Variants in PPM1L observed in about 807,000 individuals in gnomAD.
The protein encoded by PPM1L is protein phosphatase 1L.
In PPM1L, 13 loss-of-function variants were observed where a neutral mutation model predicts 31.4. The observed-to-expected ratio is 0.41, with a 90% CI of 0.27 to 0.66. PPM1L has a LOEUF of 0.66. Ranked by LOEUF, PPM1L falls within the 30% of genes least tolerant of loss-of-function variation. PPM1L has a pLI of 0.29. For synonymous variants in PPM1L, 184 were observed against 175.4 expected (o/e 1.05, Z -0.39); for missense variants, 326 against 453.7 (o/e 0.72, Z 2.56).
At chr3:160,967,890 A>G (rs1206986956) in intron 2 of PPM1L, among the ~76,000 whole-genome samples, 2 of 152,004 alleles carry the variant, frequency 1.3e-5, no homozygotes, top group Admixed American at 1.3e-4. Flanking sequence ...GACCTCATAG[A>G]TGTCTTCTAG....
intron 2 of PPM1L, among the ~76,000 whole-genome samples, chr3:161,039,592 G>A (rs892738493): frequency 2.2e-4 from 33 of 152,096 alleles, no homozygotes; most frequent in African/African-American, 7.2e-4. Flanking sequence ...GTGCGATCTC[G>A]GCTCACTGCA....
At chr3:160,912,059 G>C (rs1455289921) in intron 1 of PPM1L, among the ~76,000 whole-genome samples, 6 of 152,094 alleles carry the variant, frequency 3.9e-5, no homozygotes, top group African/African-American at 1.4e-4. Flanking sequence ...AGAAGGCTTG[G>C]GAAGACCTGA....
chr3:161,072,706 TTGATTATCC>T lies in PPM1L; in HGVS notation c.*3555_*3563del, dbSNP rs1324968546. The T allele has an allele frequency of 1.3e-5, 2 of 152,182 alleles. No individual in the cohort carries two copies. Among genetic ancestry groups the T allele is most frequent in the Non-Finnish European group, 2.9e-5 (2 of 68,038 alleles). The allele number at this position is 152,182 out of a possible 1,614,324, so 9.4% of individuals were successfully genotyped here. A position where few individuals can be genotyped will look rare whatever the true frequency, so the allele number is the denominator to read the frequency against. On this transcript the variant is annotated 3_prime_UTR_variant, in exon 4 of 4. Coordinates refer to ENST00000498165, the MANE Select transcript of PPM1L (RefSeq NM_139245.4). ...AGGAACTTGTGTATCAAGGTGTATC[TTGATTATCC>T]TGATTTTTTTTGTTCTCTAAGTTGT...
intron 1 of PPM1L, among the ~76,000 whole-genome samples, chr3:160,849,419 C>CTTTCTTTCT (rs1553812477): frequency 4.2e-5 from 6 of 143,390 alleles, no homozygotes; most frequent in African/African-American, 1.6e-4. Context: ...TTCTTTCTTT[C>CTTTCTTTCT]TTTTTTTTTT....
At chr3:160,901,482 TCTC>T (rs1257050498) in intron 1 of PPM1L, among the ~76,000 whole-genome samples, 1 of 151,986 alleles carries the variant, frequency 6.6e-6, no homozygotes, top group Non-Finnish European at 1.5e-5. Flanking sequence ...CCCCTAAAAT[TCTC>T]CTCCTCACCC....
At chr3:161,023,118 A>G (rs1389451238) in intron 2 of PPM1L, among the ~76,000 whole-genome samples, 1 of 140,338 alleles carries the variant, frequency 7.1e-6, no homozygotes, top group Non-Finnish European at 1.5e-5. Context: ...TTTCTTGTAC[A>G]TTATGAGGGT....
intron 2 of PPM1L, among the ~76,000 whole-genome samples, chr3:160,985,058 A>G (rs185367468): frequency 5.3e-5 from 8 of 152,316 alleles, no homozygotes; most frequent in African/African-American, 1.9e-4. Flanking sequence ...AATAGTTTTC[A>G]ACCTTTGTAG....
chr3:160,919,084 AAAT>A (rs1714296300), intron 1 of PPM1L, among the ~76,000 whole-genome samples: 1 of 152,202 alleles, frequency 6.6e-6, no homozygotes, highest in Non-Finnish European at 1.5e-5. Context: ...AATGTCTTTG[AAAT>A]CCTTTTTATA....
At chr3:160,784,793 A>C (rs1026602911) in intron 1 of PPM1L, among the ~76,000 whole-genome samples, 4 of 152,222 alleles carry the variant, frequency 2.6e-5, no homozygotes, top group Admixed American at 1.3e-4. Context: ...ATCAGTGGTC[A>C]GTTGGTTAGT....
intron 2 of PPM1L, among the ~76,000 whole-genome samples, chr3:161,064,183 A>C (rs1038465844): frequency 2.0e-5 from 3 of 151,540 alleles, no homozygotes; most frequent in Non-Finnish European, 4.4e-5. Flanking sequence ...TTAAAGTAAA[A>C]TTAAAAAAAA....
chr3:160,887,361 A>G (rs907969991), intron 1 of PPM1L, among the ~76,000 whole-genome samples: 11 of 151,938 alleles, frequency 7.2e-5, no homozygotes, highest in Non-Finnish European at 1.3e-4. Context: ...TACAGAGAAC[A>G]CCACTAAGAT....
At chr3:161,044,714 T>G (rs1400906319) in intron 2 of PPM1L, among the ~76,000 whole-genome samples, 1 of 152,140 alleles carries the variant, frequency 6.6e-6, no homozygotes, top group Non-Finnish European at 1.5e-5. Flanking sequence ...CTGCATCAAC[T>G]AACGAGCAAA....
At chr3:160,886,144 C>G (rs746354794) in intron 1 of PPM1L, among the ~76,000 whole-genome samples, 2 of 152,180 alleles carry the variant, frequency 1.3e-5, no homozygotes, top group Admixed American at 1.3e-4. Context: ...CCTTACTGGG[C>G]GGGGCTCCCT....
chr3:160,969,238 C>T (rs1363191281), intron 2 of PPM1L, among the ~76,000 whole-genome samples: 1 of 152,160 alleles, frequency 6.6e-6, no homozygotes, highest in African/African-American at 2.4e-5. Flanking sequence ...ACACCAAGCA[C>T]TATAATTTTT....
chr3:161,028,459 C>T (rs1269975159), intron 2 of PPM1L, among the ~76,000 whole-genome samples: 3 of 151,902 alleles, frequency 2.0e-5, no homozygotes, highest in East Asian at 3.9e-4. Flanking sequence ...GAAAAGAAAG[C>T]GGGCCAAGGG....
chr3:160,917,681 A>G (rs1275861680), intron 1 of PPM1L, among the ~76,000 whole-genome samples: 1 of 152,090 alleles, frequency 6.6e-6, no homozygotes, highest in East Asian at 1.9e-4. Context: ...CCTATATGCA[A>G]AAACACTGAT....
intron 1 of PPM1L, among the ~76,000 whole-genome samples, chr3:160,883,682 A>C (rs1052825258): frequency 6.6e-6 from 1 of 151,870 alleles, no homozygotes; most frequent in Admixed American, 6.6e-5. Context: ...ACATGGGGCG[A>C]GGGAGAAAGA....
At chr3:160,979,962 A>G (rs1304752898) in intron 2 of PPM1L, among the ~76,000 whole-genome samples, 1 of 152,060 alleles carries the variant, frequency 6.6e-6, no homozygotes, top group African/African-American at 2.4e-5. Flanking sequence ...AAGGTCAATA[A>G]TAAGGTCCAA....
At chr3:160,983,084 ATT>A (rs1465693128) in intron 2 of PPM1L, among the ~76,000 whole-genome samples, 1 of 152,206 alleles carries the variant, frequency 6.6e-6, no homozygotes, top group Non-Finnish European at 1.5e-5. Flanking sequence ...GATGCATTTG[ATT>A]TTTGTACTCG....
Sources: gnomAD v4.1 joint callset for allele counts (sites outside exome capture counted in the v4.1 genomes callset) on GRCh38, gnomAD v4.1.1 for gene constraint, MANE v1.5 for transcripts, NCBI Gene and HGNC (gene_info 2026-07-23, HGNC 2026-07-21) for gene names.